DLG2: variants seen among roughly 807,000 people sequenced by gnomAD.
The protein encoded by DLG2 is disks large homolog 2.
A neutral mutation model predicts 132.5 loss-of-function variants in DLG2; 45 were observed. The ratio of observed to expected loss-of-function variants is 0.34; its 90% CI spans 0.27 to 0.44. The LOEUF is 0.44. DLG2 is among the 20% of genes least tolerant of loss of function. The probability of loss-of-function intolerance (pLI) is 1.00; values close to 1 mark genes in which losing one functional copy is unlikely to be tolerated. For missense variants in DLG2, 1,045 were observed against 1,196.9 expected (o/e 0.87, Z 1.87); for synonymous variants, 424 against 419.6 (o/e 1.01, Z -0.13).
intron 6 of DLG2, among the ~76,000 whole-genome samples, chr11:84,729,082 C>G (rs1417002628): frequency 6.6e-6 from 1 of 152,022 alleles, no homozygotes; most frequent in Non-Finnish European, 1.5e-5. Context: ...GGGTCTGTAT[C>G]TCCTTCAGTT....
At chr11:85,548,358 G>T (rs2076458514) in intron 3 of DLG2, among the ~76,000 whole-genome samples, 1 of 152,188 alleles carries the variant, frequency 6.6e-6, no homozygotes, top group Admixed American at 6.5e-5. Context: ...CCTTGCTCTG[G>T]AAGTTTCGTC....
chr11:83,770,451 G>A (rs568687242), intron 18 of DLG2, among the ~76,000 whole-genome samples: 246 of 152,182 alleles, frequency 1.6e-3, no homozygotes, highest in Non-Finnish European at 3.0e-3. Context: ...AAGGCCTGTC[G>A]GGTGAAGGAT....
At chr11:85,100,609 A>G (rs138801952) in intron 6 of DLG2, among the ~76,000 whole-genome samples, 1 of 152,152 alleles carries the variant, frequency 6.6e-6, no homozygotes, top group Non-Finnish European at 1.5e-5. Flanking sequence ...ATGCCAATGC[A>G]CTGTTAATAA....
intron 4 of DLG2, among the ~76,000 whole-genome samples, chr11:85,207,684 A>G (rs2081990403): frequency 6.6e-6 from 1 of 152,102 alleles, no homozygotes; most frequent in South Asian, 2.1e-4. Context: ...AAAGAATGAA[A>G]GCTTATATAT....
At chr11:85,579,913 T>C (rs1203582252) in intron 3 of DLG2, among the ~76,000 whole-genome samples, 2 of 152,142 alleles carry the variant, frequency 1.3e-5, no homozygotes, top group Non-Finnish European at 2.9e-5. Context: ...AGAAGCCTGA[T>C]ATGGTTTGGC....
intron 8 of DLG2, among the ~76,000 whole-genome samples, chr11:84,249,452 G>T (rs775906504): frequency 1.3e-5 from 2 of 152,176 alleles, no homozygotes; most frequent in African/African-American, 4.8e-5. Flanking sequence ...TAACTCTACA[G>T]CCAAGCTATC....
At chr11:84,507,421 C>G (rs1195523093) in intron 7 of DLG2, among the ~76,000 whole-genome samples, 2 of 152,158 alleles carry the variant, frequency 1.3e-5, no homozygotes, top group South Asian at 4.1e-4. Context: ...ACTTATTAAA[C>G]AGTTTAACAT....
intron 3 of DLG2, among the ~76,000 whole-genome samples, chr11:85,371,328 A>T (rs1332562619): frequency 6.6e-6 from 1 of 152,178 alleles, no homozygotes; most frequent in East Asian, 1.9e-4. Context: ...GAGTCAAGGA[A>T]ACTTATTTTG....
chr11:83,846,063 T>C (rs2058554150), intron 16 of DLG2, among the ~76,000 whole-genome samples: 1 of 152,182 alleles, frequency 6.6e-6, no homozygotes, highest in Non-Finnish European at 1.5e-5. Flanking sequence ...AAATGAGTAT[T>C]GTGGATGAAA....
At chr11:84,701,189 A>G (rs2059187505) in intron 6 of DLG2, among the ~76,000 whole-genome samples, 1 of 151,166 alleles carries the variant, frequency 6.6e-6, no homozygotes, top group South Asian at 2.1e-4. Context: ...TACTTCCAAT[A>G]CATTTTTTTT....
intron 4 of DLG2, among the ~76,000 whole-genome samples, chr11:85,231,874 C>T (rs2075318876): frequency 6.6e-6 from 1 of 151,940 alleles, no homozygotes; most frequent in Non-Finnish European, 1.5e-5. Flanking sequence ...ACTGTGCAAA[C>T]TCCAGAATCT....
intron 6 of DLG2, among the ~76,000 whole-genome samples, chr11:85,039,642 T>G (rs483220): frequency 0.19 from 28,459 of 151,776 alleles, 2,896 homozygotes; most frequent in South Asian, 0.29. Flanking sequence ...AACCATGATG[T>G]TGGGGACAAT....
chr11:83,553,697 C>T (rs1461589342), intron 19 of DLG2, among the ~76,000 whole-genome samples: 1 of 152,046 alleles, frequency 6.6e-6, no homozygotes, highest in African/African-American at 2.4e-5. Context: ...CTGACTTTCA[C>T]CCAGTAAGGT....
chr11:84,680,171 CT>C (rs2153705738), intron 6 of DLG2, among the ~76,000 whole-genome samples: 1 of 152,202 alleles, frequency 6.6e-6, no homozygotes, highest in African/African-American at 2.4e-5. Context: ...CATAGTCAAC[CT>C]CCTTCCTCCT....
At position 83,710,533 on chromosome 11, in the gene DLG2, G is replaced by A. The variant is rs143315607; in HGVS notation, c.1825+76157C>T. ...TTTAGTATAAGATAGTGAGTGCCAAGATGGACAATTCATAGGAACAAAGAG... is the reference window on the plus strand; with the variant it reads ...TTTAGTATAAGATAGTGAGTGCCAAAATGGACAATTCATAGGAACAAAGAG... On this transcript the variant is annotated intron_variant, in intron 18 of 27. Transcript: ENST00000376104. 5.3e-4 allele frequency among the ~76,000 whole-genome samples: 80 copies of A among 152,298 alleles called. No homozygotes were observed. The East Asian group carries it at 0.013, about 25-fold the overall frequency.
chr11:84,767,645 T>C (rs2068624372), intron 6 of DLG2, among the ~76,000 whole-genome samples: 1 of 151,854 alleles, frequency 6.6e-6, no homozygotes, highest in Non-Finnish European at 1.5e-5. Flanking sequence ...TATTAAGCTA[T>C]GTGATAGGAT....
intron 11 of DLG2, among the ~76,000 whole-genome samples, chr11:83,986,773 C>A (rs529266042): frequency 6.6e-6 from 1 of 152,224 alleles, no homozygotes; most frequent in East Asian, 1.9e-4. Flanking sequence ...GAGATGGTAT[C>A]TCATTGTGGT....
At chr11:84,204,247 G>A (rs1286362525) in intron 8 of DLG2, among the ~76,000 whole-genome samples, 11 of 152,194 alleles carry the variant, frequency 7.2e-5, no homozygotes, top group Admixed American at 2.6e-4. Context: ...GTAAGCCACC[G>A]TGCCTGCCAA....
intron 3 of DLG2, among the ~76,000 whole-genome samples, chr11:85,295,425 A>C (rs2079153924): frequency 6.6e-6 from 1 of 152,140 alleles, no homozygotes; most frequent in Non-Finnish European, 1.5e-5. Context: ...CCATGTGTTT[A>C]GTTGTACTTT....
Sources: gnomAD v4.1 joint callset for allele counts (sites outside exome capture counted in the v4.1 genomes callset) on GRCh38, gnomAD v4.1.1 for gene constraint, MANE v1.5 for transcripts, NCBI Gene and HGNC (gene_info 2026-07-23, HGNC 2026-07-21) for gene names.